Variants in MPDZ observed in about 807,000 individuals in gnomAD.
The protein encoded by MPDZ is multiple PDZ domain protein.
MPDZ carries 234 observed loss-of-function variants against 239.1 expected under a neutral mutation model. That is an observed-to-expected ratio of 0.98 (90% confidence interval 0.88 to 1.09). The LOEUF (loss-of-function observed/expected upper bound fraction) is 1.09. MPDZ is among the 50% of genes least tolerant of loss of function. The pLI is 0.00. For missense variants in MPDZ, 3,175 were observed against 2,510.0 expected, an observed-to-expected ratio of 1.26 and a Z score of -5.66; for synonymous variants, 1,048 against 881.3, an observed-to-expected ratio of 1.19 and a Z score of -3.35.
chr9:13,177,344 G>A (rs1952628837), intron 19 of MPDZ, among the ~76,000 whole-genome samples: 3 of 152,110 alleles, frequency 2.0e-5, no homozygotes, highest in Admixed American at 1.3e-4. Flanking sequence ...AATACAATAT[G>A]AAGAGTTTTC....
At chr9:13,175,915 G>A (rs779361381) in intron 20 of MPDZ, 40 bp from the exon 21 acceptor site, 1 of 1,560,818 alleles carries the variant, frequency 6.4e-7, no homozygotes, top group Admixed American at 2.0e-5. Context: ...ACATGGAAAG[G>A]GAAACTAGAC....
chr9:13,262,811 A>T (rs756242659), intron 1 of MPDZ, among the ~76,000 whole-genome samples: 6 of 152,088 alleles, frequency 3.9e-5, no homozygotes, highest in Non-Finnish European at 8.8e-5. Context: ...AATCTCAATA[A>T]TGAAATGGAG....
intron 12 of MPDZ, among the ~76,000 whole-genome samples, chr9:13,196,704 A>G (rs1399944291): frequency 6.6e-6 from 1 of 152,080 alleles, no homozygotes; most frequent in African/African-American, 2.4e-5. Context: ...AAATATAAAG[A>G]AATAATAATA....
chr9:13,158,168 A>G, intron 23 of MPDZ, 58 bp from the exon 24 acceptor site: 1 of 1,305,408 alleles, frequency 7.7e-7, no homozygotes, highest in East Asian at 2.3e-5. Flanking sequence ...ATGCAAGATT[A>G]TATGTACTCT....
intron 31 of MPDZ, chr9:13,134,781 G>C (rs1029342640): frequency 2.6e-5 from 4 of 152,186 alleles, no homozygotes; most frequent in African/African-American, 9.7e-5. Flanking sequence ...CCACACCCAA[G>C]GGACTCTTTC....
intron 3 of MPDZ, among the ~76,000 whole-genome samples, chr9:13,225,688 A>G (rs370256443): frequency 2.7e-4 from 41 of 152,222 alleles, no homozygotes; most frequent in East Asian, 2.3e-3. Flanking sequence ...ACAGGTTGGT[A>G]GACTAGGAGC....
intron 1 of MPDZ, among the ~76,000 whole-genome samples, chr9:13,262,040 G>A (rs1234198790): frequency 1.3e-5 from 2 of 151,204 alleles, no homozygotes; most frequent in South Asian, 2.1e-4. Context: ...ACAAGACCCT[G>A]TTCCTAGAAA....
chr9:13,115,214 T>C lies in MPDZ; in HGVS notation c.5466+34A>G, dbSNP rs372982408. On this transcript the variant is annotated intron_variant, in intron 40 of 46. Transcript: ENST00000319217. Reference sequence around the variant, plus strand: ...TCTATGTGTCCTCTTGGCATGCCGATTGCATCGCCCTGATGAACTCCACAG... The same window carrying C: ...TCTATGTGTCCTCTTGGCATGCCGACTGCATCGCCCTGATGAACTCCACAG... 71 of 1,575,788 alleles carry C rather than the reference T, an allele frequency of 4.5e-5. No individual in the cohort carries two copies. In the African/African-American group the frequency reaches 4.9e-4, roughly 11 times the overall value.
At chr9:13,257,928 A>T (rs996363330) in intron 1 of MPDZ, among the ~76,000 whole-genome samples, 3 of 152,208 alleles carry the variant, frequency 2.0e-5, no homozygotes, top group Non-Finnish European at 4.4e-5. Flanking sequence ...TACTATGTAC[A>T]TGCTAGCTTA....
intron 10 of MPDZ, among the ~76,000 whole-genome samples, chr9:13,213,087 C>A (rs981326226): frequency 2.0e-5 from 3 of 152,060 alleles, no homozygotes; most frequent in Admixed American, 2.0e-4. Context: ...TTTCCTACTG[C>A]TTTTAGCATA....
chr9:13,218,078 A>G (rs1958596879), intron 8 of MPDZ, among the ~76,000 whole-genome samples: 3 of 151,916 alleles, frequency 2.0e-5, no homozygotes, highest in Non-Finnish European at 2.9e-5. Flanking sequence ...TCAAAGCTAT[A>G]GATTCTAATG....
At chr9:13,181,325 A>G (rs1333326409) in intron 19 of MPDZ, among the ~76,000 whole-genome samples, 1 of 152,152 alleles carries the variant, frequency 6.6e-6, no homozygotes, top group African/African-American at 2.4e-5. Flanking sequence ...TCCATAACAA[A>G]TCACCATTGT....
At chr9:13,250,707 C>A (rs576799058) in intron 1 of MPDZ, among the ~76,000 whole-genome samples, 1 of 152,108 alleles carries the variant, frequency 6.6e-6, no homozygotes, top group Admixed American at 6.5e-5. Context: ...TCTTTAAGCA[C>A]AGAATAAGGA....
At chr9:13,159,625 A>G (rs574898347) in intron 23 of MPDZ, among the ~76,000 whole-genome samples, 23 of 152,274 alleles carry the variant, frequency 1.5e-4, no homozygotes, top group African/African-American at 5.5e-4. Flanking sequence ...AGTGACAGGC[A>G]GGGGATGGGG....
intron 3 of MPDZ, among the ~76,000 whole-genome samples, chr9:13,231,502 G>A: frequency 6.6e-6 from 1 of 152,148 alleles, no homozygotes; most frequent in Non-Finnish European, 1.5e-5. Flanking sequence ...GGGAGGTGGA[G>A]GTTGCAGTGA....
At chr9:13,115,543 A>C (rs1210089848) in intron 39 of MPDZ, among the ~76,000 whole-genome samples, 1 of 152,140 alleles carries the variant, frequency 6.6e-6, no homozygotes, top group East Asian at 1.9e-4. Context: ...AGCAACACCA[A>C]GTGTTTACCT....
intron 31 of MPDZ, 187 bp downstream of exon 31, chr9:13,135,905 T>C (rs1946666733): frequency 4.2e-6 from 2 of 471,900 alleles, no homozygotes; most frequent in Non-Finnish European, 7.5e-6. Flanking sequence ...ACAAGTACTC[T>C]TCACATAAGT....
At chr9:13,185,534 T>C (rs1336087048) in intron 18 of MPDZ, among the ~76,000 whole-genome samples, 1 of 152,110 alleles carries the variant, frequency 6.6e-6, no homozygotes, top group Non-Finnish European at 1.5e-5. Flanking sequence ...CTAGCTCTAA[T>C]AGTAGGGGTA....
chr9:13,259,636 G>C (rs1381494509), intron 1 of MPDZ, among the ~76,000 whole-genome samples: 1 of 152,140 alleles, frequency 6.6e-6, no homozygotes, highest in African/African-American at 2.4e-5. Flanking sequence ...AAGAATAGGT[G>C]GGGGAGAAGG....
Sources: allele counts gnomAD v4.1 joint callset (sites outside exome capture counted in the v4.1 genomes callset), GRCh38; gene constraint gnomAD v4.1.1; transcripts MANE v1.5; gene names NCBI Gene and HGNC (gene_info 2026-07-23, HGNC 2026-07-21).